SLC15A5: variants seen among roughly 807,000 people sequenced by gnomAD.
SLC15A5 encodes the protein solute carrier family 15 member 5, also known as Peptide/histidine transporter ENSP00000340402.
In SLC15A5, 58 loss-of-function variants were observed where a neutral mutation model predicts 56.1. The observed-to-expected ratio is 1.03, with a 90% confidence interval of 0.84 to 1.29. SLC15A5 has a LOEUF of 1.29. SLC15A5 is among the 50% of genes most tolerant of loss of function. The pLI is 0.00. For missense variants in SLC15A5, 681 were observed against 672.1 expected, an observed-to-expected ratio of 1.01 and a Z score of -0.15; for synonymous variants, 264 against 250.5, an observed-to-expected ratio of 1.05 and a Z score of -0.51.
chr12:16,192,167 G>A (rs10219568), intron 8 of SLC15A5, among the ~76,000 whole-genome samples: 51,022 of 151,874 alleles, frequency 0.34, 9,402 homozygotes, highest in East Asian at 0.6. Flanking sequence ...GAAGGTGGTG[G>A]GGAGTAAGTG....
chr12:16,219,250 A>G (rs572463601), intron 6 of SLC15A5, among the ~76,000 whole-genome samples: 55 of 152,282 alleles, frequency 3.6e-4, no homozygotes, highest in Non-Finnish European at 7.1e-4. Flanking sequence ...AAGGGCTTCA[A>G]ATATTGGTGG....
At chr12:16,204,562 A>G (rs1196134620) in intron 7 of SLC15A5, among the ~76,000 whole-genome samples, 1 of 151,978 alleles carries the variant, frequency 6.6e-6, no homozygotes, top group Non-Finnish European at 1.5e-5. Flanking sequence ...TAACTGATAT[A>G]AACTATATAT....
chr12:16,203,022 TAGAC>T (rs1413880178), intron 7 of SLC15A5, among the ~76,000 whole-genome samples: 3 of 152,058 alleles, frequency 2.0e-5, no homozygotes, highest in East Asian at 3.9e-4. Flanking sequence ...AAGTTTGAGT[TAGAC>T]AGGAGGAATT....
At chr12:16,242,975 A>G (rs546906160) in intron 4 of SLC15A5, among the ~76,000 whole-genome samples, 1 of 152,258 alleles carries the variant, frequency 6.6e-6, no homozygotes, top group South Asian at 2.1e-4. Context: ...GGGAGTTTGA[A>G]TCTTCTAAAT....
At chr12:16,274,785 T>A (rs1201469517) in intron 1 of SLC15A5, among the ~76,000 whole-genome samples, 1 of 152,104 alleles carries the variant, frequency 6.6e-6, no homozygotes. Context: ...CAAGGCACTT[T>A]TAGTTTGAAT....
chr12:16,239,905 G>A, intron 4 of SLC15A5, 38 bp from the exon 5 acceptor site: 2 of 1,507,004 alleles, frequency 1.3e-6, no homozygotes, highest in Non-Finnish European at 1.8e-6. Flanking sequence ...ATTAAGACAG[G>A]GGTTTAACTT....
In SLC15A5 at chr12:16,257,719, T is replaced by C. The variant is rs1864591169; in HGVS notation, c.736A>G (p.Ile246Val). Residue 246 changes from isoleucine (I) to valine (V), a missense_variant, in exon 3 of 9, where the codon ATT (isoleucine) becomes GTT (valine). Transcript: ENST00000344941. ...ITLHMIYYNL[I>V]YQSEKRCSLL... is the part of the protein sequence containing the mutation. The stretch of plus-strand genomic sequence containing the variant: ...TACTTACGTTTTTCTGACTGATAAA[T>C]TAGGTTGTAGTATATCATATGAAGA... 1 of 1,469,892 alleles carries C rather than the reference T, an allele frequency of 6.8e-7. No individual in the cohort carries two copies. 91.1% of individuals were successfully genotyped at this position (1,469,892 alleles called of 1,614,324 possible).
At chr12:16,266,197 T>C (rs1381942583) in intron 2 of SLC15A5, among the ~76,000 whole-genome samples, 1 of 152,232 alleles carries the variant, frequency 6.6e-6, no homozygotes, top group African/African-American at 2.4e-5. Flanking sequence ...TTGTCCTTTC[T>C]TGCTGCTGCA....
In SLC15A5 at chr12:16,194,297, A is replaced by G. The variant is rs1386076778; in HGVS notation, c.1592+48T>C. 2.0e-5 allele frequency: 25 copies of G among 1,252,834 alleles called. No homozygotes were observed. In the Admixed American group the frequency reaches 4.7e-4, roughly 24 times the overall value. 77.6% of individuals were successfully genotyped at this position (1,252,834 alleles called of 1,614,324 possible). On this transcript the variant is annotated intron_variant, in intron 8 of 8. Coordinates refer to ENST00000344941, the MANE Select transcript of SLC15A5 (RefSeq NM_001170798.1). ...TGGCTCAGTGATGGTTCCCAGACCA[A>G]TATTTCATGGACTCAGAAATTTTTC...
intron 6 of SLC15A5, among the ~76,000 whole-genome samples, chr12:16,218,034 ATGTG>A (rs1451762858): frequency 6.6e-6 from 1 of 152,198 alleles, no homozygotes; most frequent in Non-Finnish European, 1.5e-5. Flanking sequence ...TCTTAGCGAT[ATGTG>A]TTAAAATATT....
chr12:16,254,861 G>A (rs1194173961), intron 3 of SLC15A5, among the ~76,000 whole-genome samples: 5 of 152,140 alleles, frequency 3.3e-5, no homozygotes, highest in African/African-American at 9.7e-5. Flanking sequence ...AGGGGCAAGG[G>A]AGAGATTTAT....
chr12:16,257,955 G>C, intron 2 of SLC15A5, 85 bp from the exon 3 acceptor site: 1 of 1,183,646 alleles, frequency 8.4e-7, no homozygotes, highest in East Asian at 3.1e-5. Flanking sequence ...CTAATCAAAT[G>C]TAAACTACCA....
chr12:16,231,009 A>T (rs1864292291), intron 5 of SLC15A5, among the ~76,000 whole-genome samples: 2 of 152,152 alleles, frequency 1.3e-5, no homozygotes, highest in African/African-American at 4.8e-5. Flanking sequence ...TTCTAATTAA[A>T]TAGTCTCCAC....
intron 5 of SLC15A5, among the ~76,000 whole-genome samples, chr12:16,234,648 T>C (rs1233599230): frequency 6.6e-6 from 1 of 152,170 alleles, no homozygotes; most frequent in Non-Finnish European, 1.5e-5. Context: ...ATAATGTGTG[T>C]TTTAATACTG....
intron 5 of SLC15A5, among the ~76,000 whole-genome samples, chr12:16,239,042 A>G (rs943236352): frequency 6.6e-6 from 1 of 152,210 alleles, no homozygotes; most frequent in Non-Finnish European, 1.5e-5. Context: ...GAGCAGTTCA[A>G]TGTCAGAGTT....
chr12:16,197,348 T>C (rs1863904158), intron 7 of SLC15A5, among the ~76,000 whole-genome samples: 1 of 152,124 alleles, frequency 6.6e-6, no homozygotes, highest in Admixed American at 6.6e-5. Context: ...GACAGAAAGA[T>C]TCTTCAGGAC....
At chr12:16,273,736 A>ATT (rs34600919) in intron 1 of SLC15A5, among the ~76,000 whole-genome samples, 168 of 144,064 alleles carry the variant, frequency 1.2e-3, no homozygotes, top group East Asian at 2.2e-3. Flanking sequence ...AGTCAAATAA[A>ATT]TTTTTTTTTT....
intron 4 of SLC15A5, among the ~76,000 whole-genome samples, chr12:16,242,903 A>G (rs1488040810): frequency 6.6e-6 from 1 of 152,316 alleles, no homozygotes; most frequent in Middle Eastern, 3.4e-3. Flanking sequence ...TAATGCTTAC[A>G]TATATGGGTA....
At chr12:16,217,806 A>G (rs1591645362) in intron 6 of SLC15A5, among the ~76,000 whole-genome samples, 2 of 152,104 alleles carry the variant, frequency 1.3e-5, no homozygotes, top group Non-Finnish European at 2.9e-5. Flanking sequence ...GAGAGACAAT[A>G]GCTTAAGCAT....
Sources: allele counts gnomAD v4.1 joint callset (sites outside exome capture counted in the v4.1 genomes callset), GRCh38; gene constraint gnomAD v4.1.1; transcripts MANE v1.5; gene names NCBI Gene and HGNC (gene_info 2026-07-23, HGNC 2026-07-21).